RARB: variants seen among roughly 807,000 people sequenced by gnomAD.
RARB encodes HBV-activated protein.
In RARB, 17 loss-of-function variants were observed where a neutral mutation model predicts 51.9. The observed-to-expected ratio is 0.33, with a 90% CI of 0.22 to 0.49. The LOEUF is 0.49. Among genes scored for constraint, RARB ranks in the 20% least tolerant of loss-of-function variants. The pLI is 0.99. For missense variants in RARB, 369 were observed against 550.8 expected (o/e 0.67, Z 3.30); for synonymous variants, 215 against 195.4 (o/e 1.10, Z -0.84).
chr3:25,152,630 C>CACAT (rs1004956357), intron 4 of RARB, among the ~76,000 whole-genome samples: 7 of 151,902 alleles, frequency 4.6e-5, no homozygotes, highest in Non-Finnish European at 7.4e-5. Flanking sequence ...TGTTTACGTA[C>CACAT]ACATACATAC....
intron 2 of RARB, among the ~76,000 whole-genome samples, chr3:25,001,461 T>C (rs567140064): frequency 2.6e-5 from 4 of 152,234 alleles, no homozygotes; most frequent in Non-Finnish European, 5.9e-5. Flanking sequence ...TCCTTCTCAA[T>C]TGTCTTCTCT....
At chr3:25,179,509 G>C (rs1167825853) in intron 5 of RARB, among the ~76,000 whole-genome samples, 2 of 152,110 alleles carry the variant, frequency 1.3e-5, no homozygotes, top group South Asian at 2.1e-4. Context: ...AAACATAATA[G>C]TATCATTTAT....
At chr3:25,110,365 G>A (rs147884005) in intron 3 of RARB, among the ~76,000 whole-genome samples, 58 of 152,294 alleles carry the variant, frequency 3.8e-4, no homozygotes, top group African/African-American at 1.3e-3. Context: ...TTGTCTCCGA[G>A]GAACTTTACA....
chr3:25,069,489 C>T (rs1185470041), intron 3 of RARB, among the ~76,000 whole-genome samples: 3 of 152,108 alleles, frequency 2.0e-5, no homozygotes, highest in Admixed American at 1.3e-4. Flanking sequence ...GGAATGATTT[C>T]CTATTGAATA....
At chr3:25,327,395 T>C (rs903040173) in intron 5 of RARB, among the ~76,000 whole-genome samples, 3 of 152,100 alleles carry the variant, frequency 2.0e-5, no homozygotes, top group Non-Finnish European at 2.9e-5. Context: ...GGGAACATTA[T>C]AATCAAAGCA....
chr3:25,073,495 CAGTT>C (rs913627847), intron 3 of RARB, among the ~76,000 whole-genome samples: 3 of 152,144 alleles, frequency 2.0e-5, no homozygotes, highest in Non-Finnish European at 4.4e-5. Context: ...GTGGGTTAAA[CAGTT>C]AGTTAGGTTT....
At chr3:25,580,191 G>C (rs750138249) in intron 4 of RARB, among the ~76,000 whole-genome samples, 1 of 152,232 alleles carries the variant, frequency 6.6e-6, no homozygotes, top group African/African-American at 2.4e-5. Context: ...TGGCTAACAC[G>C]GTGAAACCCT....
intron 2 of RARB, among the ~76,000 whole-genome samples, chr3:24,923,708 G>A (rs1016348232): frequency 3.9e-4 from 60 of 152,248 alleles, no homozygotes; most frequent in African/African-American, 1.3e-3. Flanking sequence ...GCTGAATCAC[G>A]TGGAATTATT....
chr3:25,480,947 G>C (rs973803788), intron 2 of RARB, among the ~76,000 whole-genome samples: 1 of 152,104 alleles, frequency 6.6e-6, no homozygotes, highest in Non-Finnish European at 1.5e-5. Flanking sequence ...AGGTTCAGGG[G>C]GTCTAGAAAT....
In RARB at chr3:25,126,189, T is replaced by TG. The variant is rs1330786401; in HGVS notation, c.-327-5971dup. Among the ~76,000 whole-genome samples the TG allele has an allele frequency of 7.9e-5, 12 of 152,322 alleles. No individual in the cohort carries two copies. In the South Asian group the frequency reaches 1.4e-3, roughly 18 times the overall value. ...AACATTTAGGGGTCTGTGCAGAAATTGCTGTGACCTCCATTTATAATTAAA... is the reference window on the plus strand; with the variant it reads ...AACATTTAGGGGTCTGTGCAGAAATTGGCTGTGACCTCCATTTATAATTAAA... On this transcript the variant is annotated intron_variant, in intron 3 of 11. Transcript: ENST00000383772.
chr3:25,140,011 A>G (rs1269176297), intron 4 of RARB, among the ~76,000 whole-genome samples: 1 of 151,902 alleles, frequency 6.6e-6, no homozygotes, highest in African/African-American at 2.4e-5. Flanking sequence ...TCAGAAAAAG[A>G]TTTTCCTTCA....
chr3:24,949,652 A>G (rs1483901216), intron 2 of RARB, among the ~76,000 whole-genome samples: 4 of 152,224 alleles, frequency 2.6e-5, no homozygotes, highest in Non-Finnish European at 5.9e-5. Context: ...TGAGGTGAGA[A>G]TATTACTTCT....
At chr3:25,362,838 A>C (rs1362967032) in intron 5 of RARB, among the ~76,000 whole-genome samples, 2 of 152,116 alleles carry the variant, frequency 1.3e-5, no homozygotes, top group Non-Finnish European at 2.9e-5. Context: ...TGAACCAGGT[A>C]CCTCAGTTGG....
intron 4 of RARB, among the ~76,000 whole-genome samples, chr3:25,570,964 C>T (rs570657813): frequency 1.2e-4 from 18 of 150,380 alleles, no homozygotes; most frequent in African/African-American, 3.2e-4. Flanking sequence ...AAACAGTGAG[C>T]GGCGGGGCTT....
At chr3:25,040,398 A>C (rs1698087975) in intron 2 of RARB, among the ~76,000 whole-genome samples, 1 of 152,140 alleles carries the variant, frequency 6.6e-6, no homozygotes, top group Admixed American at 6.6e-5. Flanking sequence ...CTTTTACATT[A>C]TGATTGTTCA....
chr3:25,128,684 G>C (rs1575173386), intron 3 of RARB, among the ~76,000 whole-genome samples: 1 of 151,810 alleles, frequency 6.6e-6, no homozygotes, highest in East Asian at 1.9e-4. Flanking sequence ...TGGTCCCCGT[G>C]TAGTTATACA....
intron 2 of RARB, among the ~76,000 whole-genome samples, chr3:24,974,408 C>T (rs1696466009): frequency 6.6e-6 from 1 of 151,964 alleles, no homozygotes. Flanking sequence ...TGAAAAGGAG[C>T]CCACCTGGAG....
At chr3:25,057,448 C>T (rs943519154) in intron 2 of RARB, among the ~76,000 whole-genome samples, 1 of 151,908 alleles carries the variant, frequency 6.6e-6, no homozygotes, top group African/African-American at 2.4e-5. Context: ...ATTTTAAATT[C>T]CTAATCTCTT....
At chr3:25,115,421 G>T (rs530840562) in intron 3 of RARB, among the ~76,000 whole-genome samples, 27 of 152,102 alleles carry the variant, frequency 1.8e-4, no homozygotes, top group Non-Finnish European at 4.0e-4. Context: ...TGAGTGTGTG[G>T]TGCATCTATA....
Sources: gnomAD v4.1 joint callset for allele counts (sites outside exome capture counted in the v4.1 genomes callset) on GRCh38, gnomAD v4.1.1 for gene constraint, MANE v1.5 for transcripts, NCBI Gene and HGNC (gene_info 2026-07-23, HGNC 2026-07-21) for gene names.